STAT2: variants seen among roughly 807,000 people sequenced by gnomAD.
STAT2 encodes the protein interferon alpha induced transcriptional activator.
STAT2 carries 51 observed loss-of-function variants against 122.3 expected under a neutral mutation model. That is an observed-to-expected ratio of 0.42 (90% CI 0.33 to 0.53). The LOEUF is 0.53. Among genes scored for constraint, STAT2 ranks in the 20% least tolerant of loss-of-function variants. The pLI, the probability that STAT2 is intolerant of heterozygous loss-of-function variation, is 0.10. For synonymous variants in STAT2, 351 were observed against 394.9 expected (o/e 0.89, Z 1.32); for missense variants, 736 against 1,010.3 (o/e 0.73, Z 3.68).
intron 1 of STAT2, among the ~76,000 whole-genome samples, chr12:56,357,680 G>C (rs1879729771): frequency 6.6e-6 from 1 of 151,578 alleles, no homozygotes; most frequent in South Asian, 2.1e-4. Flanking sequence ...TCAATAAGTG[G>C]GCCTTTGTGC....
chr12:56,351,829 G>C (rs1878536749), intron 8 of STAT2, among the ~76,000 whole-genome samples: 1 of 151,906 alleles, frequency 6.6e-6, no homozygotes, highest in African/African-American at 2.4e-5. Context: ...CTTGCTTAAG[G>C]TCATACAACT....
Position 56,355,867 on chromosome 12 carries a change from A to G in STAT2, c.286-64T>C, listed in dbSNP as rs77194401. On this transcript the variant is annotated intron_variant, in intron 3 of 23. Coordinates refer to ENST00000314128, the MANE Select transcript of STAT2 (RefSeq NM_005419.4). The stretch of plus-strand genomic sequence containing the variant: ...CACTCTCAATGACCTATTGCCCTAG[A>G]CCCTCCCCACCAATGTCCACAGTAT... 12,763 of 1,495,928 alleles carry G rather than the reference A, an allele frequency of 8.5e-3. 66 individuals are homozygous for G. The highest frequency in any genetic ancestry group is 0.01 in the Non-Finnish European group (10,801 of 1,074,874). 92.7% of individuals were successfully genotyped at this position (1,495,928 alleles called of 1,614,324 possible).
At position 56,355,271 on chromosome 12, in the gene STAT2, C is replaced by G; in HGVS notation, c.547+5G>C. 1 of 1,614,188 alleles carries G rather than the reference C, an allele frequency of 6.2e-7. No homozygotes were observed. The highest frequency in any genetic ancestry group is 8.5e-7 in the Non-Finnish European group (1 of 1,180,030). On this transcript the variant is annotated splice_donor_5th_base_variant and intron_variant, in intron 6 of 23. Coordinates refer to ENST00000314128, the MANE Select transcript of STAT2 (RefSeq NM_005419.4). ...CTTTCTCCAGCCCCTCAATGTGCTTCCTACCTTTGGCCTGGATCTTATATC... is the reference window on the plus strand; with the variant it reads ...CTTTCTCCAGCCCCTCAATGTGCTTGCTACCTTTGGCCTGGATCTTATATC...
intron 1 of STAT2, among the ~76,000 whole-genome samples, 188 bp downstream of exon 1, chr12:56,359,870 A>G (rs1880112228): frequency 6.6e-6 from 1 of 152,164 alleles, no homozygotes; most frequent in Admixed American, 6.5e-5. Context: ...GGAGAGGGGC[A>G]TTAGGGTTAG....
At position 56,355,615 on chromosome 12, in the gene STAT2, G is replaced by A; in HGVS notation, c.382-83C>T. ...GCCTGAAATTATACCACAGGATGTCGGGGGGATCCTGTTCTGAGACAACTC... is the reference window on the plus strand; with the variant it reads ...GCCTGAAATTATACCACAGGATGTCAGGGGGATCCTGTTCTGAGACAACTC... On this transcript the variant is annotated intron_variant, in intron 4 of 23. Transcript: ENST00000314128. 16 of 1,582,562 alleles carry A rather than the reference G, an allele frequency of 1.0e-5. No individual in the cohort carries two copies. In the Admixed American group the frequency reaches 1.3e-4, roughly 13 times the overall value.
chr12:56,348,087 G>GTT lies in STAT2; in HGVS notation c.1724+440_1724+441dup, dbSNP rs745864117. Among the ~76,000 whole-genome samples, 156 of 119,558 alleles carry GTT rather than the reference G, an allele frequency of 1.3e-3. 2 individuals are homozygous for GTT. The highest frequency in any genetic ancestry group is 3.6e-3 in the East Asian group (14 of 3,884). The allele number at this position is 119,558 out of a possible 152,430, so 78.4% of individuals were successfully genotyped here. On this transcript the variant is annotated intron_variant, in intron 19 of 23. Transcript: ENST00000314128. ...ACACTGTTTATGGCTATTATTGGTT[G>GTT]TTTTTTTTTTTTTTTTTTTGAGACG...
In STAT2 at chr12:56,355,403, C is replaced by T. The variant is rs765339804; in HGVS notation, c.471+40G>A. 14 of 1,613,884 alleles carry T rather than the reference C, an allele frequency of 8.7e-6. No individual in the cohort carries two copies. The Admixed American group carries it at 2.0e-4, about 23-fold the overall frequency. ...GGCTGCTTCTCAGGGAGGTGTTAGG[C>T]TGAACGCTGTCAACCCTAACTCCTA... On this transcript the variant is annotated intron_variant, in intron 5 of 23. Coordinates refer to ENST00000314128, the MANE Select transcript of STAT2 (RefSeq NM_005419.4).
chr12:56,349,648 AG>A lies in STAT2; in HGVS notation c.1210-13del. 1 of 1,614,170 alleles carries A rather than the reference AG, an allele frequency of 6.2e-7. No homozygotes were observed. Among genetic ancestry groups the A allele is most frequent in the Middle Eastern group, 1.6e-4 (1 of 6,062 alleles). On this transcript the variant is annotated splice_polypyrimidine_tract_variant and intron_variant, in intron 13 of 23. Coordinates refer to ENST00000314128, the MANE Select transcript of STAT2 (RefSeq NM_005419.4). ...TGCTCCACCAGAGTCTGTGAATTGA[AG>A]GGAAGGAGAGAAAATGCCAGAGTGG...
intron 11 of STAT2, 60 bp downstream of exon 11, chr12:56,350,769 G>A (rs1435457707): frequency 1.3e-6 from 2 of 1,573,112 alleles, no homozygotes; most frequent in Non-Finnish European, 1.7e-6. Context: ...TGTGAAGAGT[G>A]AGTATCTCCT....
chr12:56,343,717 C>G, intron 23 of STAT2, 108 bp downstream of exon 23: 2 of 1,549,532 alleles, frequency 1.3e-6, no homozygotes, highest in Non-Finnish European at 1.7e-6. Flanking sequence ...CAGAATGGAC[C>G]TCTCTCCAAT....
chr12:56,352,371 T>TTGTTG (rs1565655623), intron 8 of STAT2: 4 of 28,462 alleles, frequency 1.4e-4, no homozygotes, highest in Admixed American at 7.7e-4. Flanking sequence ...TTTTTTTTTT[T>TTGTTG]GGTGGGGGTG....
At chr12:56,350,470 A>G (rs1301824440) in intron 11 of STAT2, 38 bp from the exon 12 acceptor site, 1 of 1,567,688 alleles carries the variant, frequency 6.4e-7, no homozygotes, top group Non-Finnish European at 8.6e-7. Flanking sequence ...ATTGGGCAAA[A>G]GAGTATGGAA....
intron 20 of STAT2, 53 bp downstream of exon 20, chr12:56,346,766 G>T: frequency 6.2e-7 from 1 of 1,610,872 alleles, no homozygotes; most frequent in Non-Finnish European, 8.5e-7. Context: ...GGGGCAAGAG[G>T]GGAGCCAGGC....
Position 56,349,584 on chromosome 12 carries a change from C to T in STAT2, c.1257+5G>A. ...CCTGCCTCGAGTCCTCTGTCCAGAT[C>T]TCACCTTATTGCTGCCCTTTCCTGA... On this transcript the variant is annotated splice_donor_5th_base_variant and intron_variant, in intron 14 of 23. Transcript: ENST00000314128. The T allele has an allele frequency of 6.2e-7, 1 of 1,614,200 alleles. No homozygotes were observed.
Position 56,346,128 on chromosome 12 carries a change from G to A in STAT2, c.2102+18C>T. 1 of 1,614,090 alleles carries A rather than the reference G, an allele frequency of 6.2e-7. No individual in the cohort carries two copies. Among genetic ancestry groups the A allele is most frequent in the East Asian group, 2.2e-5 (1 of 44,878 alleles). On this transcript the variant is annotated intron_variant, in intron 22 of 23. Transcript: ENST00000314128. ...CCAAAAAGGATTAGGGAGGATGAATGAAGAGTTCATATCTCACCTATTAGA... is the reference window on the plus strand; with the variant it reads ...CCAAAAAGGATTAGGGAGGATGAATAAAGAGTTCATATCTCACCTATTAGA...
Position 56,358,669 on chromosome 12 carries a change from G to A in STAT2, c.-8+1389C>T, listed in dbSNP as rs186043412. Among the ~76,000 whole-genome samples, 28 of 152,224 alleles carry A rather than the reference G, an allele frequency of 1.8e-4. No homozygotes were observed. The East Asian group carries it at 5.2e-3, about 28-fold the overall frequency. On this transcript the variant is annotated intron_variant, in intron 1 of 23. Coordinates refer to ENST00000314128, the MANE Select transcript of STAT2 (RefSeq NM_005419.4). ...ACATCTAAATGCTGTGCAATGGGTGGCTCAATCCCAAGAATATGACACGTT... is the reference window on the plus strand; with the variant it reads ...ACATCTAAATGCTGTGCAATGGGTGACTCAATCCCAAGAATATGACACGTT...
Position 56,355,531 on chromosome 12 carries a change from T to C in STAT2, c.383A>G (p.Glu128Gly), listed in dbSNP as rs537645066. The change falls in exon 5 of 24, where the codon GAA (glutamate) becomes GGA (glycine). Residue 128 changes from glutamate to glycine, a missense_variant and splice_region_variant. By Grantham distance (98) the Glu-to-Gly change is moderately conservative (BLOSUM62 -2). Transcript: ENST00000314128. ...ILIQAQRAQL[E>G]QGEPVLETPV... ...TGTTTCGAGAACTGGCTCTCCTTGT[T>C]CCTGAAAAAAGAGGCTCTGAGCACG... 6.2e-7 allele frequency: 1 copy of C among 1,614,174 alleles called. No homozygotes were observed. Among genetic ancestry groups the C allele is most frequent in the South Asian group, 1.1e-5 (1 of 91,084 alleles).
intron 7 of STAT2, 78 bp downstream of exon 7, chr12:56,354,700 C>G (rs746377734): frequency 1.7e-5 from 27 of 1,612,256 alleles, no homozygotes; most frequent in Admixed American, 1.3e-4. Context: ...AAGAAGCCAG[C>G]GCTAGAGGAC....
rs1876635042 is a variant in STAT2 at position 56,341,878 on chromosome 12, A to G, written c.*1511T>C. ...TTGTCCAGGTCCACAACCAACGAAT[A>G]GAAACCTTCCTTTCAGGTAAACAAC... On this transcript the variant is annotated 3_prime_UTR_variant, in exon 24 of 24. Coordinates refer to ENST00000314128, the MANE Select transcript of STAT2 (RefSeq NM_005419.4). 1 of 152,256 alleles carries G rather than the reference A, an allele frequency of 6.6e-6. No individual in the cohort carries two copies. Among genetic ancestry groups the G allele is most frequent in the African/African-American group, 2.4e-5 (1 of 41,470 alleles). 9.4% of individuals were successfully genotyped at this position (152,256 alleles called of 1,614,324 possible). A position where few individuals can be genotyped will look rare whatever the true frequency, so the allele number is the denominator to read the frequency against.
Sources: gnomAD v4.1 joint callset for allele counts (sites outside exome capture counted in the v4.1 genomes callset) on GRCh38, gnomAD v4.1.1 for gene constraint, MANE v1.5 for transcripts, NCBI Gene and HGNC (gene_info 2026-07-23, HGNC 2026-07-21) for gene names.